Variants in COPZ2 observed in about 807,000 individuals in gnomAD.
COPZ2 encodes the protein coatomer subunit zeta-2.
A neutral mutation model predicts 33.2 loss-of-function variants in COPZ2; 30 were observed. The ratio of observed to expected loss-of-function variants is 0.90; its 90% CI spans 0.68 to 1.23. The LOEUF (loss-of-function observed/expected upper bound fraction) is 1.23. Among genes scored for constraint, COPZ2 ranks in the 50% most tolerant of loss-of-function variants. COPZ2 has a pLI of 0.00. For missense variants in COPZ2, 263 were observed against 262.4 expected, an observed-to-expected ratio of 1.00 and a Z score of -0.02; for synonymous variants, 89 against 102.6, an observed-to-expected ratio of 0.87 and a Z score of 0.80.
chr17:48,041,962 G>A (rs1418155904), upstream of COPZ2, among the ~76,000 whole-genome samples: 1 of 151,978 alleles, frequency 6.6e-6, no homozygotes, highest in African/African-American at 2.4e-5. Flanking sequence ...GGGACTTAGG[G>A]GGCTGGCTCC....
chr17:48,027,011 G>A (rs1182486292), intron 8 of COPZ2, among the ~76,000 whole-genome samples: 1 of 152,244 alleles, frequency 6.6e-6, no homozygotes, highest in Non-Finnish European at 1.5e-5. Flanking sequence ...AAGTGCACAC[G>A]TGCATGCACA....
chr17:48,027,886 C>A (rs1388763907), intron 8 of COPZ2: 1 of 152,338 alleles, frequency 6.6e-6, no homozygotes, highest in Non-Finnish European at 1.5e-5. Flanking sequence ...CCAGGAACCT[C>A]CCCCTGGCCT....
intron 8 of COPZ2, among the ~76,000 whole-genome samples, chr17:48,027,158 G>A (rs993885205): frequency 6.6e-6 from 1 of 152,136 alleles, no homozygotes; most frequent in Non-Finnish European, 1.5e-5. Flanking sequence ...CCTCTCTTGG[G>A]GACAGTGGCT....
intron 6 of COPZ2, among the ~76,000 whole-genome samples, chr17:48,030,542 C>G (rs530060309): frequency 7.4e-4 from 113 of 152,252 alleles, no homozygotes; most frequent in Non-Finnish European, 1.4e-3. Flanking sequence ...CTCTTTGTTA[C>G]TAAATCACTG....
chr17:48,030,553 G>A (rs1274935447), intron 6 of COPZ2, among the ~76,000 whole-genome samples: 1 of 152,052 alleles, frequency 6.6e-6, no homozygotes, highest in Non-Finnish European at 1.5e-5. Flanking sequence ...TAAATCACTG[G>A]AAATGACAAA....
rs574860223 is a variant in COPZ2, at chr17:48,026,755, G to A, written c.586-280C>T. Among the ~76,000 whole-genome samples, 924 of 152,342 alleles carry A rather than the reference G, an allele frequency of 6.1e-3. 4 individuals carry two copies. The highest frequency in any genetic ancestry group is 8.8e-3 in the Admixed American group (135 of 15,300). ...GGGTGTGGCAGCAGCCTGTCTCCCC[G>A]CTGTCATGCCATGAGAGTTCCCGCC... On this transcript the variant is annotated intron_variant, in intron 8 of 8. Transcript: ENST00000621465.
At chr17:48,031,376 C>G (rs1236727325) in intron 6 of COPZ2, among the ~76,000 whole-genome samples, 1 of 150,418 alleles carries the variant, frequency 6.6e-6, no homozygotes, top group African/African-American at 2.5e-5. Flanking sequence ...GGTGTGAACC[C>G]GGGAGGTGGA....
Position 48,037,714 on chromosome 17 carries a change from C to G in COPZ2, c.64G>C (p.Gly22Arg). 2.1e-5 allele frequency: 23 copies of G among 1,070,318 alleles called. No homozygotes were observed. The highest frequency in any genetic ancestry group is 8.5e-5 in the African/African-American group (5 of 58,742). 66.3% of individuals were successfully genotyped at this position (1,070,318 alleles called of 1,614,324 possible). The stretch of plus-strand genomic sequence containing the variant: ...GCTCGAGCAGGCGGCGCCGGGCCCC[C>G]GGCCTGGGCCGCCGCGGCCCCCTCC... Reference protein sequence around the residue: ...PGEGAAAAQAGGPAPPARAGE... With the variant: ...PGEGAAAAQARGPAPPARAGE... Residue 22 changes from glycine (G) to arginine (R), a missense_variant, in exon 1 of 9, where the codon GGG (glycine) becomes CGG (arginine). Coordinates refer to ENST00000621465, the MANE Select transcript of COPZ2 (RefSeq NM_016429.4). The surrounding 1 kb of genome is among the most constrained non-coding windows in gnomAD (Gnocchi z 5.6).
chr17:48,039,189 G>A (rs2037035923), upstream of COPZ2, among the ~76,000 whole-genome samples: 1 of 151,972 alleles, frequency 6.6e-6, no homozygotes, highest in Admixed American at 6.6e-5. Flanking sequence ...AAGGTCTCAA[G>A]TCTGGGCTCA....
At position 48,037,425 on chromosome 17, in the gene COPZ2, C is replaced by T. The variant is rs574580753; in HGVS notation, c.111+242G>A. ...ACCCTCCCCGCGGAATCGCAACTCACCCGCCACCCCCACTCCAAACGGACC... is the reference window on the plus strand; with the variant it reads ...ACCCTCCCCGCGGAATCGCAACTCATCCGCCACCCCCACTCCAAACGGACC... On this transcript the variant is annotated intron_variant, in intron 1 of 8. Coordinates refer to ENST00000621465, the MANE Select transcript of COPZ2 (RefSeq NM_016429.4). The surrounding 1 kb of genome is among the most constrained non-coding windows in gnomAD (Gnocchi z 5.6). Among the ~76,000 whole-genome samples the T allele has an allele frequency of 6.8e-4, 104 of 152,332 alleles. No homozygotes were observed. Among genetic ancestry groups the T allele is most frequent in the African/African-American group, 2.4e-3 (100 of 41,574 alleles).
At position 48,026,291 on chromosome 17, in the gene COPZ2, C is replaced by G; in HGVS notation, c.*137G>C. 1 of 670,080 alleles carries G rather than the reference C, an allele frequency of 1.5e-6. No individual in the cohort carries two copies. The highest frequency in any genetic ancestry group is 1.8e-5 in the African/African-American group (1 of 55,480). The allele number at this position is 670,080 out of a possible 1,614,324, so 41.5% of individuals were successfully genotyped here. A position where few individuals can be genotyped will look rare whatever the true frequency, so the allele number is the denominator to read the frequency against. On this transcript the variant is annotated 3_prime_UTR_variant, in exon 9 of 9. Transcript: ENST00000621465. ...GCCAAACCTTTGCATCTCAGAAGCC[C>G]TGGCTGGAGACCTTAGGAGTCAGTT...
the COPZ2 span, among the ~76,000 whole-genome samples, chr17:48,043,932 A>G: frequency 6.6e-6 from 1 of 152,216 alleles, no homozygotes; most frequent in Non-Finnish European, 1.5e-5. Flanking sequence ...ACATAGCAAG[A>G]CATACAGGAC....
In COPZ2 at chr17:48,026,222, T is replaced by G. The variant is rs1026962942; in HGVS notation, c.*206A>C. ...GCCCTGGGGCCAGGAATGCCTAAGA[T>G]ATGAGTTAAGGCCAGGGCCGTGAGA... On this transcript the variant is annotated 3_prime_UTR_variant, in exon 9 of 9. Transcript: ENST00000621465. 1.3e-5 allele frequency: 7 copies of G among 556,498 alleles called. No individual in the cohort carries two copies. Among genetic ancestry groups the G allele is most frequent in the Admixed American group, 6.3e-5 (2 of 31,586 alleles). The allele number at this position is 556,498 out of a possible 1,614,324, so 34.5% of individuals were successfully genotyped here. A position where few individuals can be genotyped will look rare whatever the true frequency, so the allele number is the denominator to read the frequency against.
chr17:48,029,202 A>G (rs1219388982), intron 6 of COPZ2, 26 bp from the exon 7 acceptor site: 4 of 1,559,518 alleles, frequency 2.6e-6, no homozygotes, highest in Non-Finnish European at 3.5e-6. Context: ...AAAAACCAGG[A>G]GGCAAATCAG....
chr17:48,046,930 T>G, the COPZ2 span: 8 of 152,224 alleles, frequency 5.3e-5, no homozygotes, highest in Non-Finnish European at 1.2e-4. Context: ...TAGTCCCTGA[T>G]AAATGGAAAG....
Position 48,026,293 on chromosome 17 carries a change from G to C in COPZ2, c.*135C>G, listed in dbSNP as rs2036815611. On this transcript the variant is annotated 3_prime_UTR_variant, in exon 9 of 9. Transcript: ENST00000621465. ...CAAACCTTTGCATCTCAGAAGCCCT[G>C]GCTGGAGACCTTAGGAGTCAGTTCT... 4.5e-6 allele frequency: 3 copies of C among 673,808 alleles called. No individual in the cohort carries two copies. Among genetic ancestry groups the C allele is most frequent in the Non-Finnish European group, 7.7e-6 (3 of 390,692 alleles). The allele number at this position is 673,808 out of a possible 1,614,324, so 41.7% of individuals were successfully genotyped here.
chr17:48,041,337 T>C (rs1212864693), upstream of COPZ2, among the ~76,000 whole-genome samples: 3 of 152,096 alleles, frequency 2.0e-5, no homozygotes, highest in Non-Finnish European at 4.4e-5. Context: ...CAAGATATAA[T>C]ACACAAATAA....
chr17:48,047,046 C>T, the COPZ2 span: 1 of 152,106 alleles, frequency 6.6e-6, no homozygotes, highest in Non-Finnish European at 1.5e-5. Context: ...TTTAAGAATT[C>T]CATGAGTGGT....
At chr17:48,043,458 C>T in the COPZ2 span, 1 of 921,780 alleles carries the variant, frequency 1.1e-6, no homozygotes, top group Non-Finnish European at 1.3e-6. Context: ...ATCCCTCCTG[C>T]TTAATGTCAA....
Sources: gnomAD v4.1 joint callset for allele counts (sites outside exome capture counted in the v4.1 genomes callset) on GRCh38, gnomAD v4.1.1 for gene constraint, Gnocchi (gnomAD v3.1) non-coding constraint, MANE v1.5 for transcripts, NCBI Gene and HGNC (gene_info 2026-07-23, HGNC 2026-07-21) for gene names.